TANC1: variants seen among roughly 807,000 people sequenced by gnomAD.
TANC1 encodes protein TANC1.
Under a neutral mutation model 149.7 loss-of-function variants are expected in TANC1, and 77 were observed. The observed-to-expected ratio is 0.51, with a 90% confidence interval of 0.43 to 0.62. TANC1 has a LOEUF of 0.62. Ranked by LOEUF, TANC1 falls within the 20% of genes least tolerant of loss-of-function variation. The pLI is 0.00. For synonymous variants in TANC1, 854 were observed against 925.0 expected, an observed-to-expected ratio of 0.92 and a Z score of 1.39; for missense variants, 1,985 against 2,321.8, an observed-to-expected ratio of 0.85 and a Z score of 2.98.
Position 159,217,517 on chromosome 2 carries a change from AGAGG to A in TANC1, c.3268_3271del (p.Gly1090SerfsTer48). The A allele has an allele frequency of 6.2e-7, 1 of 1,614,180 alleles. No individual in the cohort carries two copies. The highest frequency in any genetic ancestry group is 8.5e-7 in the Non-Finnish European group (1 of 1,180,028). On this transcript the variant is annotated frameshift_variant, in exon 20 of 27. Coordinates refer to ENST00000263635, the MANE Select transcript of TANC1 (RefSeq NM_033394.3). LOFTEE classifies it high-confidence loss of function. ...TTTAGCCCTGACTGCCGCCGCAGGA[AGAGG>A]GAAGCTGGAGGTCTGTGAGCTGCTG... is the stretch of plus-strand genomic sequence containing the variant.
chr2:159,005,497 A>C (rs2037070038), intron 2 of TANC1, among the ~76,000 whole-genome samples: 1 of 152,182 alleles, frequency 6.6e-6, no homozygotes, highest in Admixed American at 6.5e-5. Flanking sequence ...CTGAGGTGGG[A>C]GGATCACCTG....
intron 7 of TANC1, 31 bp downstream of exon 7, chr2:159,150,587 G>A: frequency 6.4e-7 from 1 of 1,552,466 alleles, no homozygotes; most frequent in Non-Finnish European, 8.9e-7. Flanking sequence ...TAACATAATG[G>A]CTCGAATCTC....
At position 159,231,098 on chromosome 2, in the gene TANC1, T is replaced by TATTTTTTAGCC; in HGVS notation, c.*94_*104dup. 1 of 1,179,942 alleles carries TATTTTTTAGCC rather than the reference T, an allele frequency of 8.5e-7. No individual in the cohort carries two copies. The highest frequency in any genetic ancestry group is 1.2e-6 in the Non-Finnish European group (1 of 851,358). The allele number at this position is 1,179,942 out of a possible 1,614,324, so 73.1% of individuals were successfully genotyped here. A position where few individuals can be genotyped will look rare whatever the true frequency, so the allele number is the denominator to read the frequency against. On this transcript the variant is annotated 3_prime_UTR_variant, in exon 27 of 27. Coordinates refer to ENST00000263635, the MANE Select transcript of TANC1 (RefSeq NM_033394.3). The stretch of plus-strand genomic sequence containing the variant: ...AAATAGTTTTTTTCATCAGAAAAAT[T>TATTTTTTAGCC]ATTTTTTAGCCATTTTTTTTCTTTG...
At chr2:159,221,785 C>T (rs2357057) in intron 22 of TANC1, among the ~76,000 whole-genome samples, 13,197 of 152,234 alleles carry the variant, frequency 0.087, 1,210 homozygotes, top group East Asian at 0.23. Flanking sequence ...TATCTCTTTG[C>T]CAAATGCCCA....
At chr2:159,228,991 G>A in intron 26 of TANC1, 95 bp downstream of exon 26, 1 of 929,752 alleles carries the variant, frequency 1.1e-6, no homozygotes, top group Non-Finnish European at 1.7e-6. Flanking sequence ...CAGAAGTGTT[G>A]CTCAGGTGCC....
intron 3 of TANC1, among the ~76,000 whole-genome samples, chr2:159,074,026 G>C (rs2043405724): frequency 6.6e-6 from 1 of 152,218 alleles, no homozygotes; most frequent in Non-Finnish European, 1.5e-5. Context: ...CAGCTGGGTA[G>C]CCCTAGCTCT....
At chr2:159,184,150 T>C (rs1193964458) in intron 14 of TANC1, among the ~76,000 whole-genome samples, 1 of 152,198 alleles carries the variant, frequency 6.6e-6, no homozygotes, top group Non-Finnish European at 1.5e-5. Context: ...TATAAGCATA[T>C]GGGGGTCATA....
intron 2 of TANC1, among the ~76,000 whole-genome samples, chr2:159,019,956 C>G (rs973895002): frequency 6.6e-6 from 1 of 152,026 alleles, no homozygotes; most frequent in African/African-American, 2.4e-5. Flanking sequence ...GCACTCATGA[C>G]TTCTTTCCAA....
At chr2:159,117,659 G>A (rs2048408399) in intron 4 of TANC1, among the ~76,000 whole-genome samples, 1 of 146,782 alleles carries the variant, frequency 6.8e-6, no homozygotes, top group Non-Finnish European at 1.5e-5. Flanking sequence ...GCCTCCCAAA[G>A]TGCTGGGATT....
chr2:159,059,888 T>TTG (rs140659801), intron 2 of TANC1, among the ~76,000 whole-genome samples: 17,468 of 114,572 alleles, frequency 0.15, 1,615 homozygotes, highest in South Asian at 0.34. Context: ...GCAGACCTCT[T>TTG]TGTGTGTGTG....
At chr2:159,154,029 G>A (rs2053160044) in intron 7 of TANC1, among the ~76,000 whole-genome samples, 1 of 152,202 alleles carries the variant, frequency 6.6e-6, no homozygotes, top group African/African-American at 2.4e-5. Context: ...GAGAAGGCAG[G>A]AAGAGGCTTT....
At chr2:159,075,153 A>G (rs1232252461) in intron 3 of TANC1, among the ~76,000 whole-genome samples, 2 of 152,212 alleles carry the variant, frequency 1.3e-5, no homozygotes, top group African/African-American at 4.8e-5. Context: ...TAAGGAAGAA[A>G]AAAAGTCAAT....
At chr2:159,014,507 C>T (rs1420125372) in intron 2 of TANC1, among the ~76,000 whole-genome samples, 3 of 152,136 alleles carry the variant, frequency 2.0e-5, no homozygotes, top group Non-Finnish European at 4.4e-5. Flanking sequence ...CCACCAGCCC[C>T]TCCAAAGCTC....
intron 5 of TANC1, chr2:159,148,862 G>A (rs565663405): frequency 1.1e-5 from 3 of 270,058 alleles, no homozygotes; most frequent in Admixed American, 1.0e-4. Context: ...TGAAGTACCC[G>A]TTTTCACATG....
At position 159,171,709 on chromosome 2, in the gene TANC1, T is replaced by A. The variant is rs1425501324; in HGVS notation, c.1352-412T>A. On this transcript the variant is annotated intron_variant, in intron 10 of 26. Coordinates refer to ENST00000263635, the MANE Select transcript of TANC1 (RefSeq NM_033394.3). Reference sequence around the variant, plus strand: ...CCGTCTCTACTGAAAATACAAAAATTAGCTGGGTGTGGTGGCGGGTGCCTG... The same window carrying A: ...CCGTCTCTACTGAAAATACAAAAATAAGCTGGGTGTGGTGGCGGGTGCCTG... Among the ~76,000 whole-genome samples the A allele has an allele frequency of 3.3e-5, 5 of 151,698 alleles. No individual in the cohort carries two copies. In the East Asian group the frequency reaches 9.6e-4, roughly 29 times the overall value.
intron 24 of TANC1, 60 bp downstream of exon 24, chr2:159,225,839 G>C (rs1470815630): frequency 2.4e-6 from 3 of 1,241,662 alleles, no homozygotes; most frequent in Non-Finnish European, 3.5e-6. Flanking sequence ...CTCTTAATTG[G>C]GTACATAATG....
intron 4 of TANC1, among the ~76,000 whole-genome samples, chr2:159,112,343 C>T (rs2047811819): frequency 6.6e-6 from 1 of 152,052 alleles, no homozygotes; most frequent in Non-Finnish European, 1.5e-5. Context: ...GCAACCTCCC[C>T]CTCACAGGTG....
intron 1 of TANC1, among the ~76,000 whole-genome samples, chr2:158,994,153 A>T (rs1181820355): frequency 5.9e-5 from 9 of 152,164 alleles, no homozygotes; most frequent in African/African-American, 2.2e-4. Flanking sequence ...CTGGTTTCTG[A>T]ATCATAGAAT....
chr2:158,994,487 C>G (rs1447854366), intron 1 of TANC1, among the ~76,000 whole-genome samples: 1 of 152,094 alleles, frequency 6.6e-6, no homozygotes, highest in Non-Finnish European at 1.5e-5. Context: ...CTAGGCTGGT[C>G]TACAGTGCTT....
Sources: allele counts gnomAD v4.1 joint callset (sites outside exome capture counted in the v4.1 genomes callset), GRCh38; gene constraint gnomAD v4.1.1; transcripts MANE v1.5; gene names NCBI Gene and HGNC (gene_info 2026-07-23, HGNC 2026-07-21).